BPTF: variants seen among roughly 807,000 people sequenced by gnomAD.
The protein encoded by BPTF is nucleosome-remodeling factor subunit BPTF.
Under a neutral mutation model 292.5 loss-of-function variants are expected in BPTF, and 18 were observed. That is an observed-to-expected ratio of 0.06 (90% CI 0.04 to 0.09). BPTF has a LOEUF of 0.09. Ranked by LOEUF, BPTF falls within the 10% of genes least tolerant of loss-of-function variation. BPTF has a pLI of 1.00. For missense variants in BPTF, 2,726 were observed against 3,498.7 expected, an observed-to-expected ratio of 0.78 and a Z score of 5.57; for synonymous variants, 1,225 against 1,251.9, an observed-to-expected ratio of 0.98 and a Z score of 0.45.
chr17:67,954,308 C>T (rs2066717513), intron 23 of BPTF, among the ~76,000 whole-genome samples: 2 of 152,078 alleles, frequency 1.3e-5, no homozygotes, highest in African/African-American at 4.8e-5. Flanking sequence ...GCTGGGATTA[C>T]AGGCATGAGC....
chr17:67,855,039 G>A (rs1366403010), intron 2 of BPTF, among the ~76,000 whole-genome samples: 1 of 152,266 alleles, frequency 6.6e-6, no homozygotes, highest in African/African-American at 2.4e-5. Context: ...AGCAGCTCAC[G>A]CCTGTAATCC....
chr17:67,854,254 C>A lies in BPTF; in HGVS notation c.928C>A (p.Leu310Met), dbSNP rs1483292074. Reference protein sequence around the residue: ...TSNTTFGPADLKDSVNSTLYF... With the variant: ...TSNTTFGPADMKDSVNSTLYF... Reference sequence around the variant, plus strand: ...CAATACTACCTTTGGACCTGCTGATCTGAAAGATAGCGTTAATTCCACACT... The same window carrying A: ...CAATACTACCTTTGGACCTGCTGATATGAAAGATAGCGTTAATTCCACACT... Residue 310 changes from leucine (L) to methionine (M), a missense_variant, in exon 2 of 28, where the codon CTG becomes ATG. By Grantham distance (15) the Leu-to-Met change is conservative (BLOSUM62 2). Transcript: ENST00000306378. The surrounding 1 kb of genome is among the most constrained non-coding windows in gnomAD (Gnocchi z 5.6). 1.2e-6 allele frequency: 2 copies of A among 1,614,178 alleles called. No homozygotes were observed. Among genetic ancestry groups the A allele is most frequent in the East Asian group, 2.2e-5 (1 of 44,894 alleles).
rs539893391 is a variant in BPTF at position 67,947,986 on chromosome 17, G to A, written c.7701-95G>A. 2.2e-5 allele frequency: 30 copies of A among 1,350,728 alleles called. No individual in the cohort carries two copies. In the East Asian group the frequency reaches 4.6e-4, roughly 21 times the overall value. 83.7% of individuals were successfully genotyped at this position (1,350,728 alleles called of 1,614,324 possible). ...TCTTGACGTTTTCCAGTCACAGAAA[G>A]TTTTTGTCTCATCTGTAGAGGCATA... On this transcript the variant is annotated intron_variant, in intron 22 of 27. Coordinates refer to ENST00000306378, the MANE Select transcript of BPTF (RefSeq NM_182641.4).
At chr17:67,968,493 A>G (rs1418176213) in intron 26 of BPTF, among the ~76,000 whole-genome samples, 1 of 151,574 alleles carries the variant, frequency 6.6e-6, no homozygotes, top group Non-Finnish European at 1.5e-5. Flanking sequence ...AATTCATAAA[A>G]TAAGGTCAGG....
chr17:67,920,214 T>A lies in BPTF; in HGVS notation c.5557+71T>A, dbSNP rs2063340818. The A allele has an allele frequency of 5.3e-6, 8 of 1,510,010 alleles. No homozygotes were observed. In the South Asian group the frequency reaches 9.7e-5, roughly 18 times the overall value. 93.5% of individuals were successfully genotyped at this position (1,510,010 alleles called of 1,614,324 possible). A position where few individuals can be genotyped will look rare whatever the true frequency, so the allele number is the denominator to read the frequency against. On this transcript the variant is annotated intron_variant, in intron 13 of 27. Transcript: ENST00000306378. ...GTATTTTATGAATTGAAATTTGATA[T>A]AATTTTTTCTTCTCTGTTCACCTTT...
chr17:67,964,181 T>G, intron 24 of BPTF, 31 bp from the exon 25 acceptor site: 1 of 1,593,026 alleles, frequency 6.3e-7, no homozygotes, highest in Non-Finnish European at 8.6e-7. Context: ...CCATGTGTTT[T>G]GAACTCACAT....
chr17:67,946,212 C>G lies in BPTF; in HGVS notation c.7504C>G (p.Gln2502Glu). 1.2e-6 allele frequency: 2 copies of G among 1,614,212 alleles called. No individual in the cohort carries two copies. The highest frequency in any genetic ancestry group is 1.7e-6 in the Non-Finnish European group (2 of 1,180,040). ...VQAASVQEQL[Q>E]RVQQLRDQQQ... ...GGCAGCCAGTGTGCAAGAGCAGTTG[C>G]AAAGGGTTCAGCAACTCAGGGATCA... is the stretch of plus-strand genomic sequence containing the variant. Residue 2502 changes from glutamine to glutamate, a missense_variant, in exon 21 of 28, where the codon CAA becomes GAA. Gln to Glu is a conservative substitution (Grantham distance 29, BLOSUM62 2). Coordinates refer to ENST00000306378, the MANE Select transcript of BPTF (RefSeq NM_182641.4).
At chr17:67,910,731 C>T (rs987152476) in intron 10 of BPTF, 146 bp from the exon 11 acceptor site, 12 of 436,368 alleles carry the variant, frequency 2.7e-5, no homozygotes, top group East Asian at 1.7e-4. Context: ...ACCCAGGAGG[C>T]GGAGGTTGCA....
chr17:67,856,375 G>A lies in BPTF; in HGVS notation c.1436+1613G>A, dbSNP rs1239416984. 2.6e-5 allele frequency among the ~76,000 whole-genome samples: 4 copies of A among 151,916 alleles called. No homozygotes were observed. In the East Asian group the frequency reaches 7.7e-4, roughly 29 times the overall value. ...ATAGTATTTTCTCTTACCTTTCTGA[G>A]GCTATTAATGACAGGTTTTTTTCTC... On this transcript the variant is annotated intron_variant, in intron 2 of 27. Transcript: ENST00000306378.
Position 67,825,787 on chromosome 17 carries a change from C to T in BPTF, c.63C>T (p.Ala21=). 1 of 1,037,982 alleles carries T rather than the reference C, an allele frequency of 9.6e-7. No individual in the cohort carries two copies. The highest frequency in any genetic ancestry group is 1.2e-6 in the Non-Finnish European group (1 of 866,094). The allele number at this position is 1,037,982 out of a possible 1,614,324, so 64.3% of individuals were successfully genotyped here. The change falls in exon 1 of 28, where the codon GCC becomes GCT. Residue 21 remains alanine (A), a synonymous_variant. Transcript: ENST00000306378. ...QPAAPAAERC[A]PAPPPPPPPP... The stretch of plus-strand genomic sequence containing the variant: ...CGGCTCCCGCTGCGGAGCGCTGCGC[C>T]CCGGCCCCGCCGCCACCGCCGCCGC...
At chr17:67,933,825 G>A (rs761331009) in intron 18 of BPTF, among the ~76,000 whole-genome samples, 3 of 151,800 alleles carry the variant, frequency 2.0e-5, no homozygotes, top group Non-Finnish European at 2.9e-5. Flanking sequence ...CCAGGAGGCC[G>A]AGATGGGCAG....
chr17:67,943,257 G>A (rs1382266210), intron 19 of BPTF, among the ~76,000 whole-genome samples: 5 of 152,108 alleles, frequency 3.3e-5, no homozygotes, highest in African/African-American at 9.7e-5. Flanking sequence ...CATAAAAAAT[G>A]TATTTTAGAA....
At chr17:67,862,825 T>TG (rs922130331) in intron 2 of BPTF, among the ~76,000 whole-genome samples, 2 of 151,910 alleles carry the variant, frequency 1.3e-5, no homozygotes, top group African/African-American at 4.8e-5. Flanking sequence ...TTTTTTTTTT[T>TG]TTTTGGCCTT....
At chr17:67,909,035 A>C (rs1225940093) in intron 9 of BPTF, among the ~76,000 whole-genome samples, 1 of 150,928 alleles carries the variant, frequency 6.6e-6, no homozygotes, top group Non-Finnish European at 1.5e-5. Context: ...GGGTTTCACC[A>C]TGTTAGCCAG....
At chr17:67,829,604 C>G (rs570077226) in intron 1 of BPTF, among the ~76,000 whole-genome samples, 1 of 152,038 alleles carries the variant, frequency 6.6e-6, no homozygotes, top group Admixed American at 6.5e-5. Flanking sequence ...GTCTGTACTT[C>G]CTGGAGGAAG....
chr17:67,954,549 C>T (rs544453002), intron 23 of BPTF, among the ~76,000 whole-genome samples: 15 of 152,234 alleles, frequency 9.9e-5, no homozygotes, highest in Non-Finnish European at 2.1e-4. Context: ...TGTTAGTGTT[C>T]GGCCACCTCT....
At chr17:67,944,468 G>A in intron 20 of BPTF, 96 bp downstream of exon 20, 6 of 1,377,834 alleles carry the variant, frequency 4.4e-6, no homozygotes, top group Non-Finnish European at 6.0e-6. Flanking sequence ...ACCTTTGGAA[G>A]GATATGCCTC....
intron 17 of BPTF, among the ~76,000 whole-genome samples, chr17:67,930,857 A>G (rs115537506): frequency 0.013 from 1,921 of 152,110 alleles, 43 homozygotes; most frequent in African/African-American, 0.044. Context: ...TGGGAGGGTA[A>G]GGGACGAGAA....
Position 67,867,063 on chromosome 17 carries a change from G to C in BPTF, c.1660+376G>C, listed in dbSNP as rs1360502701. ...ATCTTATGTGATCACCATCACGTAT[G>C]TGGTTCCTGGTGGACCGAAACATTG... On this transcript the variant is annotated intron_variant, in intron 3 of 27. Coordinates refer to ENST00000306378, the MANE Select transcript of BPTF (RefSeq NM_182641.4). Among the ~76,000 whole-genome samples the C allele has an allele frequency of 2.0e-5, 3 of 152,230 alleles. No individual in the cohort carries two copies. In the East Asian group the frequency reaches 5.8e-4, roughly 29 times the overall value.
Sources: allele counts gnomAD v4.1 joint callset (sites outside exome capture counted in the v4.1 genomes callset), GRCh38; gene constraint gnomAD v4.1.1; non-coding constraint Gnocchi (gnomAD v3.1); transcripts MANE v1.5; gene names NCBI Gene and HGNC (gene_info 2026-07-23, HGNC 2026-07-21).